The following UBASH3B variants were observed in gnomAD, a reference collection of about 807,000 sequenced individuals.
UBASH3B encodes ubiquitin associated and SH3 domain containing B.
In UBASH3B, 37 loss-of-function variants were observed where a neutral mutation model predicts 83.4. The observed-to-expected ratio is 0.44, with a 90% CI of 0.34 to 0.58. The LOEUF (loss-of-function observed/expected upper bound fraction) is 0.58, where lower values mean the gene tolerates loss of function less well. Among genes scored for constraint, UBASH3B ranks in the 20% least tolerant of loss-of-function variants. The probability of loss-of-function intolerance (pLI) is 0.01; values close to 1 mark genes in which losing one functional copy is unlikely to be tolerated. For synonymous variants in UBASH3B, 304 were observed against 318.3 expected (o/e 0.96, Z 0.48); for missense variants, 657 against 827.2 (o/e 0.79, Z 2.52).
intron 1 of UBASH3B, among the ~76,000 whole-genome samples, chr11:122,707,594 T>C (rs61572087): frequency 0.038 from 5,793 of 152,264 alleles, 386 homozygotes; most frequent in African/African-American, 0.13. Context: ...ATATATTTGC[T>C]GAATGAATAA....
At chr11:122,749,127 C>T (rs1227541557) in intron 1 of UBASH3B, among the ~76,000 whole-genome samples, 2 of 152,174 alleles carry the variant, frequency 1.3e-5, no homozygotes, top group African/African-American at 2.4e-5. Flanking sequence ...GCTGACACAT[C>T]GAAAGTACTC....
intron 1 of UBASH3B, among the ~76,000 whole-genome samples, chr11:122,768,232 A>G (rs1476843594): frequency 6.6e-6 from 1 of 152,030 alleles, no homozygotes; most frequent in Non-Finnish European, 1.5e-5. Flanking sequence ...CTCAGACCTG[A>G]TTGGCTCCAT....
chr11:122,804,542 C>T (rs769471234), intron 11 of UBASH3B, among the ~76,000 whole-genome samples: 9 of 152,124 alleles, frequency 5.9e-5, no homozygotes, highest in East Asian at 1.9e-4. Flanking sequence ...GAGTTGCTAA[C>T]GGTGTTAGCA....
At chr11:122,733,332 A>G (rs1248181150) in intron 1 of UBASH3B, among the ~76,000 whole-genome samples, 9 of 152,236 alleles carry the variant, frequency 5.9e-5, no homozygotes, top group Non-Finnish European at 1.2e-4. Flanking sequence ...TGTCCAGTTT[A>G]AAAAATTCTT....
chr11:122,735,648 C>T (rs189193744), intron 1 of UBASH3B, among the ~76,000 whole-genome samples: 1 of 152,308 alleles, frequency 6.6e-6, no homozygotes, highest in Non-Finnish European at 1.5e-5. Flanking sequence ...CAACTAATTC[C>T]ACCATATTTC....
At chr11:122,756,663 G>A (rs548149221) in intron 1 of UBASH3B, among the ~76,000 whole-genome samples, 1 of 152,274 alleles carries the variant, frequency 6.6e-6, no homozygotes, top group South Asian at 2.1e-4. Flanking sequence ...TTAGACCTCA[G>A]GCAAGGAGGG....
intron 8 of UBASH3B, among the ~76,000 whole-genome samples, chr11:122,796,542 G>A (rs191157152): frequency 6.6e-6 from 1 of 152,112 alleles, no homozygotes; most frequent in African/African-American, 2.4e-5. Context: ...GCAGAAACGT[G>A]CCCTGATCCT....
intron 1 of UBASH3B, among the ~76,000 whole-genome samples, chr11:122,746,979 C>A (rs1021565812): frequency 6.6e-6 from 1 of 152,040 alleles, no homozygotes; most frequent in African/African-American, 2.4e-5. Context: ...ACAATCCCAG[C>A]AGAAAAAGCA....
At chr11:122,787,280 C>T (rs1205491808) in intron 5 of UBASH3B, among the ~76,000 whole-genome samples, 1 of 152,112 alleles carries the variant, frequency 6.6e-6, no homozygotes, top group Non-Finnish European at 1.5e-5. Context: ...TTAACAATCC[C>T]ACAGAAAACC....
intron 3 of UBASH3B, among the ~76,000 whole-genome samples, chr11:122,779,116 G>A (rs779718983): frequency 3.3e-5 from 5 of 152,132 alleles, no homozygotes; most frequent in Non-Finnish European, 7.3e-5. Flanking sequence ...TAGTCACTGT[G>A]CTGTACAATA....
chr11:122,761,552 C>T (rs1474477489), intron 1 of UBASH3B, among the ~76,000 whole-genome samples: 2 of 152,134 alleles, frequency 1.3e-5, no homozygotes, highest in Non-Finnish European at 2.9e-5. Context: ...TCTGTCTGGT[C>T]TGCATACGTT....
In UBASH3B at chr11:122,808,159, G is replaced by A. The variant is rs368713247; in HGVS notation, c.1795G>A (p.Val599Ile). 98 of 1,613,946 alleles carry A rather than the reference G, an allele frequency of 6.1e-5. No individual in the cohort carries two copies. The highest frequency in any genetic ancestry group is 7.6e-5 in the Non-Finnish European group (90 of 1,179,964). ...GLSPQNSKDF[V>I]QMVRKIPYLG... is the part of the protein sequence containing the mutation. ...GTCACCTCAGAACTCCAAGGACTTC[G>A]TACAAATGGTCCGAAAGGTAATTCA... Residue 599 changes from valine (V) to isoleucine (I), a missense_variant, in exon 13 of 14, where the codon GTA becomes ATA. Around this residue, in one of 3 missense-constraint regions of UBASH3B, gnomAD observed 573 missense variants for 739.0 expected, o/e 0.78. Transcript: ENST00000284273.
intron 1 of UBASH3B, among the ~76,000 whole-genome samples, chr11:122,681,713 C>T (rs1374284838): frequency 7.4e-5 from 11 of 148,356 alleles, no homozygotes; most frequent in African/African-American, 2.7e-4. Flanking sequence ...CACACACACA[C>T]AGGCACATGC....
At chr11:122,797,063 G>A in intron 9 of UBASH3B, 30 bp downstream of exon 9, 1 of 1,557,004 alleles carries the variant, frequency 6.4e-7, no homozygotes, top group African/African-American at 1.4e-5. Flanking sequence ...TGCACTCCAG[G>A]CATTTCTTGC....
intron 1 of UBASH3B, among the ~76,000 whole-genome samples, chr11:122,717,094 G>A (rs1860538106): frequency 6.6e-6 from 1 of 152,156 alleles, no homozygotes; most frequent in African/African-American, 2.4e-5. Context: ...CCCATTCTCA[G>A]GGGGTTCCCT....
chr11:122,741,652 A>G (rs871845), intron 1 of UBASH3B, among the ~76,000 whole-genome samples: 70,138 of 151,858 alleles, frequency 0.46, 16,711 homozygotes, highest in Admixed American at 0.55. Context: ...TGCTTGGGAG[A>G]GCACAGACCT....
intron 1 of UBASH3B, chr11:122,773,909 G>A (rs1860689910): frequency 1.1e-6 from 1 of 878,552 alleles, no homozygotes; most frequent in African/African-American, 1.8e-5. Flanking sequence ...TATATAAATA[G>A]CACATTGTCT....
intron 1 of UBASH3B, among the ~76,000 whole-genome samples, chr11:122,661,873 A>C (rs2156803): frequency 1.8e-4 from 26 of 146,390 alleles, no homozygotes; most frequent in African/African-American, 5.3e-4. Context: ...AAAAAAAAAA[A>C]CAAAAAAAAA....
intron 1 of UBASH3B, among the ~76,000 whole-genome samples, chr11:122,697,741 CCA>C (rs1208452497): frequency 6.6e-6 from 1 of 152,134 alleles, no homozygotes; most frequent in Non-Finnish European, 1.5e-5. Context: ...GGCAGGATAG[CCA>C]CATTAAATAA....
Sources: gnomAD v4.1 joint callset for allele counts (sites outside exome capture counted in the v4.1 genomes callset) on GRCh38, gnomAD v4.1.1 for gene constraint, gnomAD v4.1.1 regional missense constraint, MANE v1.5 for transcripts, NCBI Gene and HGNC (gene_info 2026-07-23, HGNC 2026-07-21) for gene names.